Variants in FAM114A1 observed in about 807,000 individuals in gnomAD.
The protein encoded by FAM114A1 is protein NOXP20.
FAM114A1 carries 62 observed loss-of-function variants against 64.3 expected under a neutral mutation model. The ratio of observed to expected loss-of-function variants is 0.96; its 90% CI spans 0.79 to 1.19. FAM114A1 has a LOEUF of 1.19. Ranked by LOEUF, FAM114A1 falls within the 50% of genes most tolerant of loss-of-function variation. FAM114A1 has a pLI of 0.00. For synonymous variants in FAM114A1, 254 were observed against 251.1 expected, an observed-to-expected ratio of 1.01 and a Z score of -0.11; for missense variants, 645 against 676.3, an observed-to-expected ratio of 0.95 and a Z score of 0.51.
chr4:38,935,867 C>T (rs1382225184), intron 13 of FAM114A1, 77 bp downstream of exon 13: 4 of 1,016,372 alleles, frequency 3.9e-6, no homozygotes, highest in Non-Finnish European at 6.1e-6. Context: ...GATGCAGCGC[C>T]TTCTTTAGTA....
chr4:38,928,093 C>T (rs9996722), intron 9 of FAM114A1, among the ~76,000 whole-genome samples: 22,717 of 152,220 alleles, frequency 0.15, 1,898 homozygotes, highest in African/African-American at 0.18. Context: ...CAAGCTATGC[C>T]AGGCTATCTT....
chr4:38,935,613 C>T, intron 12 of FAM114A1, 105 bp from the exon 13 acceptor site: 1 of 724,590 alleles, frequency 1.4e-6, no homozygotes, highest in Non-Finnish European at 2.2e-6. Context: ...GCATGTGTGG[C>T]ATTCTTTTAA....
intron 3 of FAM114A1, among the ~76,000 whole-genome samples, chr4:38,890,671 T>C (rs192445998): frequency 3.3e-5 from 5 of 152,342 alleles, no homozygotes; most frequent in African/African-American, 1.2e-4. Context: ...GAGAAAGCTG[T>C]GGTTCCCTAC....
chr4:38,925,155 T>G (rs1719990381), intron 9 of FAM114A1, among the ~76,000 whole-genome samples: 1 of 152,220 alleles, frequency 6.6e-6, no homozygotes, highest in East Asian at 1.9e-4. Context: ...ACAGCATGCT[T>G]TAGCAATGGT....
At chr4:38,869,349 G>C (rs1188439899) in intron 2 of FAM114A1, among the ~76,000 whole-genome samples, 1 of 152,202 alleles carries the variant, frequency 6.6e-6, no homozygotes, top group African/African-American at 2.4e-5. Flanking sequence ...GAGTTTGCCA[G>C]GCAGCTGGAG....
At chr4:38,929,138 C>T in intron 9 of FAM114A1, 104 bp from the exon 10 acceptor site, 1 of 873,878 alleles carries the variant, frequency 1.1e-6, no homozygotes, top group Non-Finnish European at 1.9e-6. Context: ...CTGCTACAAC[C>T]TCCACTTAGT....
intron 4 of FAM114A1, among the ~76,000 whole-genome samples, chr4:38,902,050 C>A (rs754854301): frequency 7.9e-5 from 12 of 152,180 alleles, no homozygotes; most frequent in Non-Finnish European, 1.3e-4. Flanking sequence ...ATTTAATCAA[C>A]TATAAATGAC....
chr4:38,873,142 C>G (rs755413518), intron 2 of FAM114A1, among the ~76,000 whole-genome samples: 2 of 152,172 alleles, frequency 1.3e-5, no homozygotes, highest in Non-Finnish European at 2.9e-5. Flanking sequence ...TGACAGCCCA[C>G]GGCCAACCTT....
Position 38,905,256 on chromosome 4 carries a change from G to A in FAM114A1, c.437-266G>A, listed in dbSNP as rs191725859. 2.0e-3 allele frequency among the ~76,000 whole-genome samples: 300 copies of A among 152,192 alleles called. 2 individuals are homozygous for A. The highest frequency in any genetic ancestry group is 6.0e-3 in the African/African-American group (248 of 41,532). On this transcript the variant is annotated intron_variant, in intron 4 of 14. Coordinates refer to ENST00000358869, the MANE Select transcript of FAM114A1 (RefSeq NM_138389.4). ...TCCACTAAAGGCACAAAAATTAGCC[G>A]GGCGTGGTGGTGTGCATCTGTAATC...
intron 8 of FAM114A1, among the ~76,000 whole-genome samples, chr4:38,922,088 T>C (rs1418941134): frequency 6.6e-6 from 1 of 152,162 alleles, no homozygotes; most frequent in Non-Finnish European, 1.5e-5. Flanking sequence ...ATTACAGGCA[T>C]GCACCACCAC....
chr4:38,922,730 AG>A, intron 8 of FAM114A1, 39 bp from the exon 9 acceptor site: 1 of 1,586,350 alleles, frequency 6.3e-7, no homozygotes, highest in Non-Finnish European at 8.5e-7. Context: ...ATTAACGAGA[AG>A]AAAAGATGAC....
intron 4 of FAM114A1, among the ~76,000 whole-genome samples, chr4:38,902,430 G>A (rs970745906): frequency 6.6e-6 from 1 of 152,164 alleles, no homozygotes; most frequent in African/African-American, 2.4e-5. Context: ...GACTCAGAGA[G>A]GTTAAGCAGC....
chr4:38,878,475 C>T (rs1490883588), intron 3 of FAM114A1, 49 bp downstream of exon 3: 2 of 1,504,826 alleles, frequency 1.3e-6, no homozygotes, highest in Non-Finnish European at 1.8e-6. Flanking sequence ...TTGCTTATAT[C>T]TACCGTGTGC....
chr4:38,934,357 C>T (rs958703787), intron 12 of FAM114A1, among the ~76,000 whole-genome samples: 3 of 152,258 alleles, frequency 2.0e-5, no homozygotes, highest in African/African-American at 7.2e-5. Flanking sequence ...TCTGGGATAT[C>T]TCCTGGCTTT....
At chr4:38,870,682 T>C (rs954914732) in intron 2 of FAM114A1, among the ~76,000 whole-genome samples, 2 of 152,180 alleles carry the variant, frequency 1.3e-5, no homozygotes, top group African/African-American at 4.8e-5. Context: ...ATGGCTACAG[T>C]GATCAGTGTT....
chr4:38,941,081 T>C, intron 14 of FAM114A1, 60 bp downstream of exon 14: 1 of 1,524,154 alleles, frequency 6.6e-7, no homozygotes, highest in Non-Finnish European at 9.0e-7. Flanking sequence ...AACTACTTTT[T>C]TTTTTTTTTG....
rs1560330883 is a variant in FAM114A1, at chr4:38,931,556, A to G, written c.1267A>G (p.Lys423Glu). 5.0e-6 allele frequency: 8 copies of G among 1,614,070 alleles called. No homozygotes were observed. Among genetic ancestry groups the G allele is most frequent in the Non-Finnish European group, 5.9e-6 (7 of 1,180,008 alleles). Reference sequence around the variant, plus strand: ...AACAAAGAAGGAAGAAAAGGAAGAGAAATCTCAAGACCCTCAAGAAGACAA... The same window carrying G: ...AACAAAGAAGGAAGAAAAGGAAGAGGAATCTCAAGACCCTCAAGAAGACAA... Reference protein sequence around the residue: ...EETKKEEKEEKSQDPQEDKKE... With the variant: ...EETKKEEKEEESQDPQEDKKE... Residue 423 changes from lysine to glutamate, a missense_variant, in exon 11 of 15, where the codon AAA (lysine) becomes GAA (glutamate). By Grantham distance (56) the Lys-to-Glu change is moderately conservative. Coordinates refer to ENST00000358869, the MANE Select transcript of FAM114A1 (RefSeq NM_138389.4).
At chr4:38,869,456 G>A (rs537445045) in intron 2 of FAM114A1, among the ~76,000 whole-genome samples, 1 of 152,334 alleles carries the variant, frequency 6.6e-6, no homozygotes, top group African/African-American at 2.4e-5. Flanking sequence ...GGCAGGAGTG[G>A]AGGATACTGA....
At chr4:38,867,903 C>CG in intron 1 of FAM114A1, 69 bp downstream of exon 1, 1 of 199,526 alleles carries the variant, frequency 5.0e-6, no homozygotes, top group Non-Finnish European at 1.1e-5. Flanking sequence ...GGCGGCTGCC[C>CG]GGGGGTGGTG....
Sources: gnomAD v4.1 joint callset for allele counts (sites outside exome capture counted in the v4.1 genomes callset) on GRCh38, gnomAD v4.1.1 for gene constraint, MANE v1.5 for transcripts, NCBI Gene and HGNC (gene_info 2026-07-23, HGNC 2026-07-21) for gene names.